CLEC16A: variants seen among roughly 807,000 people sequenced by gnomAD.
CLEC16A encodes C-type lectin domain containing 16A.
In CLEC16A, 51 loss-of-function variants were observed where a neutral mutation model predicts 109.5. The ratio of observed to expected loss-of-function variants is 0.47; its 90% CI spans 0.37 to 0.59. CLEC16A has a LOEUF of 0.59. Ranked by LOEUF, CLEC16A falls within the 20% of genes least tolerant of loss-of-function variation. The pLI, the probability that CLEC16A is intolerant of heterozygous loss-of-function variation, is 0.00. For synonymous variants in CLEC16A, 673 were observed against 564.2 expected, an observed-to-expected ratio of 1.19 and a Z score of -2.73; for missense variants, 1,339 against 1,394.0, an observed-to-expected ratio of 0.96 and a Z score of 0.63.
rs778188242 is a variant in CLEC16A at position 11,126,091 on chromosome 16, C to T, written c.2586C>T (p.Gly862=). 2.5e-6 allele frequency: 4 copies of T among 1,613,804 alleles called. No individual in the cohort carries two copies. The highest frequency in any genetic ancestry group is 1.1e-5 in the South Asian group (1 of 91,084). ...GCTTCTACGACCAGGGGCGCCGGGG[C>T]AGCAGCGACCCCACAGTGCAGCGCT... The part of the protein sequence containing the change: ...PFRFYDQGRR[G]SSDPTVQRSV... The change falls in exon 22 of 24, where the codon GGC becomes GGT. Residue 862 remains glycine, a synonymous_variant. Coordinates refer to ENST00000409790, the MANE Select transcript of CLEC16A (RefSeq NM_015226.3).
chr16:10,984,558 A>G (rs1197798210), intron 10 of CLEC16A, among the ~76,000 whole-genome samples: 1 of 152,202 alleles, frequency 6.6e-6, no homozygotes, highest in East Asian at 1.9e-4. Flanking sequence ...AACTCTTATA[A>G]GCGCTCTAAA....
chr16:11,086,002 G>A (rs1267704048), intron 19 of CLEC16A, among the ~76,000 whole-genome samples: 1 of 152,266 alleles, frequency 6.6e-6, no homozygotes, highest in African/African-American at 2.4e-5. Context: ...CCTCTGGGCA[G>A]TAGGGAGAAT....
chr16:11,045,767 A>G (rs986415024), intron 16 of CLEC16A, among the ~76,000 whole-genome samples: 1 of 152,208 alleles, frequency 6.6e-6, no homozygotes, highest in Non-Finnish European at 1.5e-5. Context: ...AGGTGGCAAC[A>G]CTGCCATTTC....
chr16:10,950,073 A>G (rs1028683543), intron 1 of CLEC16A, among the ~76,000 whole-genome samples: 47 of 152,190 alleles, frequency 3.1e-4, no homozygotes, highest in African/African-American at 1.1e-3. Context: ...ACATTATTAT[A>G]TACTTCTCAT....
chr16:11,015,630 T>C (rs1388362005), intron 11 of CLEC16A, among the ~76,000 whole-genome samples: 1 of 152,194 alleles, frequency 6.6e-6, no homozygotes, highest in African/African-American at 2.4e-5. Flanking sequence ...CAAATTAGTA[T>C]TCAGCTGCTT....
In CLEC16A at chr16:11,085,325, C is replaced by G. The variant is rs554741242; in HGVS notation, c.2116+24303C>G. Among the ~76,000 whole-genome samples, 4 of 152,356 alleles carry G rather than the reference C, an allele frequency of 2.6e-5. No homozygotes were observed. The South Asian group carries it at 6.2e-4, about 24-fold the overall frequency. On this transcript the variant is annotated intron_variant, in intron 19 of 23. Transcript: ENST00000409790. ...GGGCACATCTGTGGCTTATAAGAAA[C>G]AGATGGCGGGATGGGTTAGTGAAGG... is the stretch of plus-strand genomic sequence containing the variant.
At chr16:11,037,437 A>G (rs1000888026) in intron 13 of CLEC16A, among the ~76,000 whole-genome samples, 3 of 152,192 alleles carry the variant, frequency 2.0e-5, no homozygotes, top group African/African-American at 7.2e-5. Context: ...AAGTGTTTCT[A>G]TCCTCTGGGA....
chr16:11,054,932 CTTTTTTT>C (rs151109740), intron 18 of CLEC16A, among the ~76,000 whole-genome samples: 3 of 130,616 alleles, frequency 2.3e-5, no homozygotes, highest in Admixed American at 1.5e-4. Context: ...GGTTTTCTTT[CTTTTTTT>C]TTTTTTTTTT....
chr16:11,119,685 C>T (rs1012017096), intron 19 of CLEC16A, among the ~76,000 whole-genome samples: 1 of 152,198 alleles, frequency 6.6e-6, no homozygotes, highest in African/African-American at 2.4e-5. Context: ...AGCCATCACA[C>T]CTGGCCTAGC....
Position 11,178,457 on chromosome 16 carries a change from GCCAGCCTGTCCC to G in CLEC16A, c.2937_2948del (p.Ser980_Leu983del). 1 of 1,613,508 alleles carries G rather than the reference GCCAGCCTGTCCC, an allele frequency of 6.2e-7. No homozygotes were observed. Reference sequence around the variant, plus strand: ...GGCCAGGAGCGCAGCCGTGGAGACAGCCAGCCTGTCCCCCAGCCTCGTCCCTGCCCGGCAGCC... The same window carrying G: ...GGCCAGGAGCGCAGCCGTGGAGACAGCCAGCCTCGTCCCTGCCCGGCAGCC... On this transcript the variant is annotated inframe_deletion, in exon 24 of 24. Transcript: ENST00000409790. The surrounding 1 kb of genome is among the most constrained non-coding windows in gnomAD (Gnocchi z 6.5).
rs1184246966 is a variant in CLEC16A at position 11,024,899 on chromosome 16, C to G, written c.1515C>G (p.Leu505=). Residue 505 remains leucine, a synonymous_variant, in exon 13 of 24, where the codon CTC becomes CTG. Transcript: ENST00000409790. The part of the protein sequence containing the change: ...DYHALFVLCL[L]YAMSHNKGMD... ...ATGCCCTGTTCGTGCTCTGCCTCCT[C>G]TATGCCATGTCTCATAATAAAGGTA... 3.1e-6 allele frequency: 5 copies of G among 1,608,746 alleles called. No individual in the cohort carries two copies. In the South Asian group the frequency reaches 3.3e-5, roughly 11 times the overall value.
chr16:11,105,122 C>T (rs1049694012), intron 19 of CLEC16A, among the ~76,000 whole-genome samples: 1 of 152,186 alleles, frequency 6.6e-6, no homozygotes, highest in Admixed American at 6.5e-5. Flanking sequence ...GGGCCATTTT[C>T]AGAGAGGAAA....
intron 10 of CLEC16A, among the ~76,000 whole-genome samples, chr16:10,996,756 G>A (rs1043798806): frequency 6.6e-6 from 1 of 151,670 alleles, no homozygotes; most frequent in African/African-American, 2.4e-5. Context: ...GGCTCTGAGA[G>A]GGGTGGACTG....
At chr16:11,064,463 G>C (rs2048657172) in intron 19 of CLEC16A, among the ~76,000 whole-genome samples, 1 of 152,192 alleles carries the variant, frequency 6.6e-6, no homozygotes, top group Admixed American at 6.5e-5. Context: ...TGCCTGTGAG[G>C]CTCAGTAGCC....
intron 23 of CLEC16A, among the ~76,000 whole-genome samples, chr16:11,175,241 G>T (rs144224873): frequency 1.3e-5 from 2 of 152,346 alleles, no homozygotes; most frequent in Non-Finnish European, 2.9e-5. Flanking sequence ...TGGGGGACCT[G>T]CTGCCTTGGT....
At chr16:11,109,661 A>C (rs1443220485) in intron 19 of CLEC16A, among the ~76,000 whole-genome samples, 1 of 152,164 alleles carries the variant, frequency 6.6e-6, no homozygotes, top group East Asian at 1.9e-4. Flanking sequence ...TGGAGGGGCC[A>C]AGACCACAGC....
chr16:11,026,864 G>A (rs2046434517), intron 13 of CLEC16A, among the ~76,000 whole-genome samples: 1 of 152,072 alleles, frequency 6.6e-6, no homozygotes, highest in African/African-American at 2.4e-5. Context: ...CAGGAATGGG[G>A]GTTAGCAGGA....
At chr16:10,974,139 C>T (rs1596824642) in intron 7 of CLEC16A, among the ~76,000 whole-genome samples, 1 of 151,766 alleles carries the variant, frequency 6.6e-6, no homozygotes, top group East Asian at 1.9e-4. Context: ...CCTCATGATC[C>T]ACCCACCTGG....
At chr16:11,064,654 G>T (rs1394300819) in intron 19 of CLEC16A, among the ~76,000 whole-genome samples, 2 of 152,186 alleles carry the variant, frequency 1.3e-5, no homozygotes, top group Non-Finnish European at 2.9e-5. Context: ...GCAGATACCT[G>T]TAGTCCCAGA....
Sources: allele counts gnomAD v4.1 joint callset (sites outside exome capture counted in the v4.1 genomes callset), GRCh38; gene constraint gnomAD v4.1.1; non-coding constraint Gnocchi (gnomAD v3.1); transcripts MANE v1.5; gene names NCBI Gene and HGNC (gene_info 2026-07-23, HGNC 2026-07-21).